SLC4A7: variants seen among roughly 807,000 people sequenced by gnomAD.
SLC4A7 encodes sodium bicarbonate cotransporter 3.
SLC4A7 carries 51 observed loss-of-function variants against 137.6 expected under a neutral mutation model. The ratio of observed to expected loss-of-function variants is 0.37; its 90% CI spans 0.30 to 0.47. SLC4A7 has a LOEUF of 0.47. Ranked by LOEUF, SLC4A7 falls within the 20% of genes least tolerant of loss-of-function variation. SLC4A7 has a pLI of 1.00. For missense variants in SLC4A7, 1,247 were observed against 1,525.4 expected, an observed-to-expected ratio of 0.82 and a Z score of 3.04; for synonymous variants, 542 against 518.6, an observed-to-expected ratio of 1.05 and a Z score of -0.61.
intron 24 of SLC4A7, among the ~76,000 whole-genome samples, 200 bp from the exon 25 acceptor site, chr3:27,379,556 G>A (rs2050211263): frequency 6.6e-6 from 1 of 152,164 alleles, no homozygotes; most frequent in Admixed American, 6.5e-5. Context: ...GATTAAGTAA[G>A]TTAGCAAGAT....
At position 27,394,667 on chromosome 3, in the gene SLC4A7, T is replaced by C. The variant is rs768309779; in HGVS notation, c.2968A>G (p.Ile990Val). ...ACTTTTAAGCTGTTGACATGACTTA[T>C]TGACAACACTGTTGCAGCCACAAAC... Reference protein sequence around the residue: ...PWFVAATVLSISHVNSLKVES... With the variant: ...PWFVAATVLSVSHVNSLKVES... Residue 990 changes from isoleucine (I) to valine (V), a missense_variant, in exon 20 of 26, where the codon ATA becomes GTA. Ile to Val is a conservative substitution (Grantham distance 29, BLOSUM62 3). Transcript: ENST00000454389. The C allele has an allele frequency of 6.2e-6, 10 of 1,614,078 alleles. No individual in the cohort carries two copies. The highest frequency in any genetic ancestry group is 2.5e-6 in the Non-Finnish European group (3 of 1,180,040).
Position 27,436,469 on chromosome 3 carries a change from T to C in SLC4A7, c.508A>G (p.Ser170Gly). ...ATGCAACTCCTTAGTTCAAAAAGAC[T>C]GTGCAAAGAGAGAGTTGCCACATAA... is the stretch of plus-strand genomic sequence containing the variant. ...KPYVATLSLH[S>G]LFELRSCILN... Residue 170 changes from serine (S) to glycine (G), a missense_variant, in exon 5 of 26, where the codon AGT becomes GGT. Physicochemically the swap from Ser to Gly is moderately conservative, Grantham distance 56 (BLOSUM62 0). Around this residue, in one of 6 missense-constraint regions of SLC4A7, gnomAD observed 11 missense variants for 50.2 expected, o/e 0.22. Transcript: ENST00000454389. 6.2e-7 allele frequency: 1 copy of C among 1,613,762 alleles called. No homozygotes were observed. Among genetic ancestry groups the C allele is most frequent in the Non-Finnish European group, 8.5e-7 (1 of 1,179,700 alleles).
intron 1 of SLC4A7, among the ~76,000 whole-genome samples, chr3:27,464,004 G>A (rs1168351213): frequency 6.6e-6 from 1 of 152,030 alleles, no homozygotes; most frequent in Non-Finnish European, 1.5e-5. Flanking sequence ...GGGCAACATA[G>A]TGAAACCCTG....
intron 1 of SLC4A7, among the ~76,000 whole-genome samples, chr3:27,472,728 T>TA (rs1292061557): frequency 6.6e-6 from 1 of 152,228 alleles, no homozygotes; most frequent in African/African-American, 2.4e-5. Flanking sequence ...TTTTGATTTC[T>TA]AATCAATGAA....
At chr3:27,377,613 G>C (rs767055068) in intron 25 of SLC4A7, among the ~76,000 whole-genome samples, 1 of 152,046 alleles carries the variant, frequency 6.6e-6, no homozygotes, top group Non-Finnish European at 1.5e-5. Flanking sequence ...GGCTGGTCTC[G>C]AACTCCTGAC....
At chr3:27,476,151 T>C (rs915000577) in intron 1 of SLC4A7, among the ~76,000 whole-genome samples, 4 of 152,168 alleles carry the variant, frequency 2.6e-5, no homozygotes, top group Non-Finnish European at 5.9e-5. Flanking sequence ...TTAAGTAAAA[T>C]ACCCAGTTTT....
Position 27,422,850 on chromosome 3 carries a change from A to G in SLC4A7, c.1267-1071T>C, listed in dbSNP as rs532544935. 379 of 455,610 alleles carry G rather than the reference A, an allele frequency of 8.3e-4. 2 individuals carry two copies. The highest frequency in any genetic ancestry group is 5.7e-3 in the South Asian group (369 of 64,440). 28.2% of individuals were successfully genotyped at this position (455,610 alleles called of 1,614,324 possible). A position where few individuals can be genotyped will look rare whatever the true frequency, so the allele number is the denominator to read the frequency against. ...GCCAGGAGGCAGACTCCTGCCCAACAGGAGACAAGGAAGTATACACAAAGA... is the reference window on the plus strand; with the variant it reads ...GCCAGGAGGCAGACTCCTGCCCAACGGGAGACAAGGAAGTATACACAAAGA... On this transcript the variant is annotated intron_variant, in intron 8 of 25. Coordinates refer to ENST00000454389, the MANE Select transcript of SLC4A7 (RefSeq NM_001321103.2).
intron 20 of SLC4A7, 31 bp from the exon 21 acceptor site, chr3:27,391,839 A>C: frequency 1.8e-5 from 24 of 1,308,818 alleles, no homozygotes; most frequent in Non-Finnish European, 2.4e-5. Flanking sequence ...ATTAGAACTC[A>C]TGAGTAGTAA....
intron 7 of SLC4A7, among the ~76,000 whole-genome samples, chr3:27,430,823 C>T (rs945116580): frequency 1.3e-5 from 2 of 152,052 alleles, no homozygotes; most frequent in African/African-American, 4.8e-5. Context: ...CAGAGTGAGA[C>T]TCGGTCTAAT....
At chr3:27,432,769 T>C (rs2056416498) in intron 6 of SLC4A7, among the ~76,000 whole-genome samples, 1 of 152,162 alleles carries the variant, frequency 6.6e-6, no homozygotes, top group African/African-American at 2.4e-5. Flanking sequence ...AAATTACAAT[T>C]GGACAATAGT....
At chr3:27,443,948 T>G (rs1448364636) in intron 3 of SLC4A7, among the ~76,000 whole-genome samples, 1 of 152,236 alleles carries the variant, frequency 6.6e-6, no homozygotes, top group Admixed American at 6.5e-5. Flanking sequence ...TCAGAGAACA[T>G]ACTTTCACTT....
At chr3:27,433,075 C>A (rs184304944) in intron 6 of SLC4A7, 112 of 152,270 alleles carry the variant, frequency 7.4e-4, no homozygotes, top group African/African-American at 2.6e-3. Flanking sequence ...TAGACCCTAT[C>A]ACCTATGCTT....
chr3:27,410,129 C>T (rs997130705), intron 12 of SLC4A7, among the ~76,000 whole-genome samples: 5 of 152,120 alleles, frequency 3.3e-5, no homozygotes, highest in Admixed American at 2.0e-4. Context: ...CTAATATGTA[C>T]ATTAATAAAA....
At position 27,437,448 on chromosome 3, in the gene SLC4A7, G is replaced by A. The variant is rs753444993; in HGVS notation, c.368C>T (p.Thr123Met). 13 of 1,599,530 alleles carry A rather than the reference G, an allele frequency of 8.1e-6. No homozygotes were observed. The highest frequency in any genetic ancestry group is 1.7e-4 in the Middle Eastern group (1 of 6,014). ...TCTGTAACACAGTTCATCCATTTCC[G>A]TGAAGAGATCATGGGGAATATGTTC... ...DEEHIPHDLF[T>M]EMDELCYRDG... The change falls in exon 4 of 26, where the codon ACG becomes ATG. Residue 123 changes from threonine to methionine, a missense_variant. Thr to Met is a moderately conservative substitution (Grantham distance 81). Coordinates refer to ENST00000454389, the MANE Select transcript of SLC4A7 (RefSeq NM_001321103.2).
chr3:27,429,668 G>A (rs1180809077), intron 7 of SLC4A7, among the ~76,000 whole-genome samples: 1 of 151,828 alleles, frequency 6.6e-6, no homozygotes, highest in East Asian at 2.0e-4. Flanking sequence ...TGGCCAACAT[G>A]GTGAAACCCC....
intron 14 of SLC4A7, 64 bp downstream of exon 14, chr3:27,404,766 C>A: frequency 1.5e-6 from 2 of 1,325,298 alleles, no homozygotes; most frequent in Non-Finnish European, 2.1e-6. Context: ...AAATAATTCC[C>A]TTCTAAGTTA....
chr3:27,431,977 CA>C (rs1304848818), intron 6 of SLC4A7, among the ~76,000 whole-genome samples: 4 of 152,070 alleles, frequency 2.6e-5, no homozygotes, highest in Non-Finnish European at 5.9e-5. Flanking sequence ...AATATCAATA[CA>C]AAGTCACTGC....
intron 1 of SLC4A7, among the ~76,000 whole-genome samples, chr3:27,455,394 T>C (rs2058338584): frequency 6.6e-6 from 1 of 152,162 alleles, no homozygotes; most frequent in Non-Finnish European, 1.5e-5. Flanking sequence ...CATATGTATT[T>C]ATTTGTATTA....
chr3:27,384,821 A>C (rs1277609085), intron 23 of SLC4A7, among the ~76,000 whole-genome samples: 3 of 151,812 alleles, frequency 2.0e-5, no homozygotes, highest in East Asian at 3.9e-4. Flanking sequence ...AAATAAGCCC[A>C]GTTTGGTGGC....
Sources: gnomAD v4.1 joint callset for allele counts (sites outside exome capture counted in the v4.1 genomes callset) on GRCh38, gnomAD v4.1.1 for gene constraint, gnomAD v4.1.1 regional missense constraint, MANE v1.5 for transcripts, NCBI Gene and HGNC (gene_info 2026-07-23, HGNC 2026-07-21) for gene names.